Variants in ZFHX4 observed in about 807,000 individuals in gnomAD.
ZFHX4 encodes zinc finger homeobox 4.
Under a neutral mutation model 267.6 loss-of-function variants are expected in ZFHX4, and 56 were observed. The observed-to-expected ratio is 0.21, with a 90% CI of 0.17 to 0.26. The LOEUF (loss-of-function observed/expected upper bound fraction) is 0.26, where lower values mean the gene tolerates loss of function less well. Ranked by LOEUF, ZFHX4 falls within the 10% of genes least tolerant of loss-of-function variation. ZFHX4 has a pLI of 1.00. For synonymous variants in ZFHX4, 1,778 were observed against 1,665.6 expected (o/e 1.07, Z -1.64); for missense variants, 4,332 against 4,420.0 (o/e 0.98, Z 0.56).
chr8:76,747,090 A>G (rs1809477802), intron 3 of ZFHX4, among the ~76,000 whole-genome samples: 1 of 152,152 alleles, frequency 6.6e-6, no homozygotes. Flanking sequence ...GATTCACTGT[A>G]TTTTTCAAGG....
chr8:76,825,116 A>G (rs184643595), intron 4 of ZFHX4, among the ~76,000 whole-genome samples: 16 of 152,334 alleles, frequency 1.1e-4, no homozygotes, highest in Middle Eastern at 3.4e-3. Flanking sequence ...ACTTATAAAT[A>G]CAATCTAAAA....
chr8:76,699,756 A>AAG (rs1234288992), intron 1 of ZFHX4, among the ~76,000 whole-genome samples: 1 of 149,872 alleles, frequency 6.7e-6, no homozygotes, highest in East Asian at 1.9e-4. Context: ...AAAAAAAAAA[A>AAG]AAAAGTCCAG....
intron 4 of ZFHX4, among the ~76,000 whole-genome samples, chr8:76,828,040 A>G (rs569050013): frequency 1.3e-5 from 2 of 152,248 alleles, no homozygotes; most frequent in Non-Finnish European, 2.9e-5. Flanking sequence ...TTAGAAGAGC[A>G]GTCTTTGTAT....
chr8:76,855,465 G>A lies in ZFHX4; in HGVS notation c.8544G>A (p.Leu2848=), dbSNP rs1812689733. The A allele has an allele frequency of 1.2e-6, 2 of 1,613,426 alleles. No homozygotes were observed. The highest frequency in any genetic ancestry group is 1.1e-5 in the South Asian group (1 of 91,048). Reference sequence around the variant, plus strand: ...AAGAGCCAAAAACTCTGGATACTCTGCCAAAACCTGCAACCACACCTACCA... The same window carrying A: ...AAGAGCCAAAAACTCTGGATACTCTACCAAAACCTGCAACCACACCTACCA... ...SPKEPKTLDT[L]PKPATTPTTE... is the part of the protein sequence containing the mutation. The change falls in exon 10 of 11, where the codon CTG becomes CTA. Residue 2848 remains leucine (L), a synonymous_variant. Coordinates refer to ENST00000651372, the MANE Select transcript of ZFHX4 (RefSeq NM_024721.5).
intron 1 of ZFHX4, among the ~76,000 whole-genome samples, chr8:76,687,751 TC>T (rs1262800338): frequency 2.6e-5 from 4 of 152,206 alleles, no homozygotes; most frequent in Non-Finnish European, 5.9e-5. Context: ...GGAATATTAA[TC>T]CTGTTTTTGA....
At chr8:76,764,672 CAA>C (rs1353709297) in intron 3 of ZFHX4, among the ~76,000 whole-genome samples, 3 of 152,162 alleles carry the variant, frequency 2.0e-5, no homozygotes, top group Non-Finnish European at 4.4e-5. Flanking sequence ...CAGTACATTT[CAA>C]AAGTGTCCAA....
intron 3 of ZFHX4, among the ~76,000 whole-genome samples, chr8:76,712,396 CT>C (rs374260648): frequency 7.5e-4 from 113 of 151,160 alleles, no homozygotes; most frequent in Middle Eastern, 3.4e-3. Context: ...CTTTTTGTGC[CT>C]TTTTTTTTCT....
At chr8:76,856,353 C>G (rs776056142) in intron 10 of ZFHX4, 53 bp downstream of exon 10, 2 of 1,593,172 alleles carry the variant, frequency 1.3e-6, no homozygotes, top group South Asian at 2.2e-5. Context: ...ATCAGGTAGA[C>G]AGTCACATGT....
chr8:76,803,293 G>A (rs1163726727), intron 4 of ZFHX4, among the ~76,000 whole-genome samples: 4 of 151,994 alleles, frequency 2.6e-5, no homozygotes, highest in South Asian at 4.2e-4. Context: ...TGGTATGACC[G>A]AAAGAAGAGG....
chr8:76,795,543 C>CTTTTT (rs1204209981), intron 4 of ZFHX4, among the ~76,000 whole-genome samples: 1 of 125,336 alleles, frequency 8.0e-6, no homozygotes, highest in Non-Finnish European at 1.7e-5. Context: ...TGATCCAAGT[C>CTTTTT]TTTTTTTTTT....
At position 76,854,886 on chromosome 8, in the gene ZFHX4, T is replaced by C. The variant is rs1812667828; in HGVS notation, c.7965T>C (p.Asn2655=). 1.2e-6 allele frequency: 2 copies of C among 1,612,832 alleles called. No homozygotes were observed. Among genetic ancestry groups the C allele is most frequent in the Admixed American group, 1.7e-5 (1 of 59,896 alleles). The part of the protein sequence containing the change: ...KKRVVQVWFQ[N]TRARERKGQF... ...GGGTCGTGCAAGTCTGGTTCCAGAA[T>C]ACACGAGCGCGGGAGAGGAAAGGCC... Residue 2655 remains asparagine, a synonymous_variant, in exon 10 of 11, where the codon AAT becomes AAC. Coordinates refer to ENST00000651372, the MANE Select transcript of ZFHX4 (RefSeq NM_024721.5).
At chr8:76,784,098 A>G (rs973170663) in intron 4 of ZFHX4, among the ~76,000 whole-genome samples, 10 of 151,872 alleles carry the variant, frequency 6.6e-5, no homozygotes. Context: ...TTCTTTACCA[A>G]ATTTCTTGTT....
Position 76,864,612 on chromosome 8 carries a change from TA to T in ZFHX4, c.*57del, listed in dbSNP as rs3830275. The T allele has an allele frequency of 0.64, 777,726 of 1,222,926 alleles. 248,572 individuals are homozygous for T. Among genetic ancestry groups the T allele is most frequent in the East Asian group, 0.92 (34,023 of 36,816 alleles). 75.8% of individuals were successfully genotyped at this position (1,222,926 alleles called of 1,614,324 possible). The stretch of plus-strand genomic sequence containing the variant: ...CTTAAAAAAATAAAAAATAAAAAAA[TA>T]AAAAAAAAATAAGACTTTAACTGCA... On this transcript the variant is annotated 3_prime_UTR_variant, in exon 11 of 11. Transcript: ENST00000651372.
chr8:76,850,409 T>C, intron 9 of ZFHX4, 47 bp downstream of exon 9: 1 of 1,457,966 alleles, frequency 6.9e-7, no homozygotes, highest in Non-Finnish European at 9.4e-7. Flanking sequence ...GCTTAGGGGC[T>C]TTGCATTTGT....
chr8:76,749,129 C>T (rs1039527903), intron 3 of ZFHX4, among the ~76,000 whole-genome samples: 3 of 152,154 alleles, frequency 2.0e-5, no homozygotes, highest in Non-Finnish European at 4.4e-5. Context: ...AAAGTTGATA[C>T]TACATGTATT....
chr8:76,695,794 G>C (rs1807940412), intron 1 of ZFHX4, among the ~76,000 whole-genome samples: 1 of 152,134 alleles, frequency 6.6e-6, no homozygotes. Flanking sequence ...TCGTCAAAGA[G>C]GCTGATTAGT....
intron 1 of ZFHX4, chr8:76,683,653 A>AGG (rs34886416): frequency 1.6e-5 from 2 of 126,044 alleles, no homozygotes; most frequent in Non-Finnish European, 3.0e-5. Context: ...GGGGGGAGAG[A>AGG]GGGAGAGAGA....
At chr8:76,774,384 T>C (rs1039023239) in intron 3 of ZFHX4, among the ~76,000 whole-genome samples, 1 of 152,314 alleles carries the variant, frequency 6.6e-6, no homozygotes, top group South Asian at 2.1e-4. Flanking sequence ...CGTTCTTAAA[T>C]TCAAAGACTC....
chr8:76,763,233 TCTGATAGCTC>T (rs113049338), intron 3 of ZFHX4, among the ~76,000 whole-genome samples: 42,465 of 151,972 alleles, frequency 0.28, 8,117 homozygotes, highest in African/African-American at 0.54. Context: ...GCTGTTCCCG[TCTGATAGCTC>T]CAGGTTTCCA....
Sources: gnomAD v4.1 joint callset for allele counts (sites outside exome capture counted in the v4.1 genomes callset) on GRCh38, gnomAD v4.1.1 for gene constraint, MANE v1.5 for transcripts, NCBI Gene and HGNC (gene_info 2026-07-23, HGNC 2026-07-21) for gene names.